Variants in RASAL2 observed in about 807,000 individuals in gnomAD.
The protein encoded by RASAL2 is RAS protein activator like 2, also known as ras GTPase-activating protein nGAP.
RASAL2 carries 58 observed loss-of-function variants against 128.9 expected under a neutral mutation model. The observed-to-expected ratio is 0.45, with a 90% CI of 0.36 to 0.56. The LOEUF (loss-of-function observed/expected upper bound fraction) is 0.56. Ranked by LOEUF, RASAL2 falls within the 20% of genes least tolerant of loss-of-function variation. The probability of loss-of-function intolerance (pLI) is 0.00; values close to 1 mark genes in which losing one functional copy is unlikely to be tolerated. For synonymous variants in RASAL2, 561 were observed against 580.8 expected (o/e 0.97, Z 0.49); for missense variants, 1,360 against 1,601.6 (o/e 0.85, Z 2.57).
At chr1:178,182,714 T>C (rs1662157874) in intron 1 of RASAL2, among the ~76,000 whole-genome samples, 1 of 152,136 alleles carries the variant, frequency 6.6e-6, no homozygotes, top group African/African-American at 2.4e-5. Flanking sequence ...TTCCAATACA[T>C]GTATACAGTT....
chr1:178,303,369 T>TC (rs1667854425), intron 3 of RASAL2, among the ~76,000 whole-genome samples: 1 of 152,038 alleles, frequency 6.6e-6, no homozygotes, highest in African/African-American at 2.4e-5. Context: ...GTCAGGAGTG[T>TC]CCAATCTTTT....
chr1:178,422,739 A>G, intron 5 of RASAL2, among the ~76,000 whole-genome samples: 1 of 152,116 alleles, frequency 6.6e-6, no homozygotes. Flanking sequence ...TTCTTTCAAA[A>G]TGTTATACAG....
intron 5 of RASAL2, among the ~76,000 whole-genome samples, chr1:178,424,441 A>G (rs1675386237): frequency 6.8e-6 from 1 of 148,048 alleles, no homozygotes; most frequent in Non-Finnish European, 1.5e-5. Flanking sequence ...TAAACCACAA[A>G]CCTTATCTTC....
At chr1:178,265,501 A>C (rs998149817) in intron 1 of RASAL2, among the ~76,000 whole-genome samples, 11 of 152,354 alleles carry the variant, frequency 7.2e-5, no homozygotes, top group South Asian at 6.2e-4. Context: ...AGTATGCATT[A>C]TCTCATTTGA....
chr1:178,337,107 C>A (rs929615488), intron 3 of RASAL2, among the ~76,000 whole-genome samples: 1 of 152,028 alleles, frequency 6.6e-6, no homozygotes, highest in African/African-American at 2.4e-5. Flanking sequence ...TCTACTAAGT[C>A]ATCTTAGTGG....
chr1:178,412,034 C>T, intron 4 of RASAL2: 1 of 390,360 alleles, frequency 2.6e-6, no homozygotes, highest in Non-Finnish European at 4.7e-6. Context: ...CCTCAAAATA[C>T]TTTCTGAAAA....
At chr1:178,312,967 A>T (rs756443924) in intron 3 of RASAL2, among the ~76,000 whole-genome samples, 1 of 152,178 alleles carries the variant, frequency 6.6e-6, no homozygotes, top group Non-Finnish European at 1.5e-5. Context: ...TGAATATTTT[A>T]TGGATAAGGA....
chr1:178,162,686 C>T (rs1661370569), intron 1 of RASAL2, among the ~76,000 whole-genome samples: 1 of 149,708 alleles, frequency 6.7e-6, no homozygotes, highest in African/African-American at 2.5e-5. Flanking sequence ...CTCCTGGGTT[C>T]AAGTGATCCT....
intron 1 of RASAL2, among the ~76,000 whole-genome samples, chr1:178,232,465 G>T (rs1419401347): frequency 6.6e-6 from 1 of 152,112 alleles, no homozygotes; most frequent in Admixed American, 6.6e-5. Flanking sequence ...ACATTCCTAT[G>T]TTCCAGTTGC....
intron 3 of RASAL2, among the ~76,000 whole-genome samples, chr1:178,327,760 T>G (rs1217626682): frequency 6.6e-6 from 1 of 152,192 alleles, no homozygotes; most frequent in African/African-American, 2.4e-5. Context: ...TGACCTTATT[T>G]AGAGAAAAGG....
At chr1:178,326,767 C>T (rs903667387) in intron 3 of RASAL2, among the ~76,000 whole-genome samples, 2 of 152,138 alleles carry the variant, frequency 1.3e-5, no homozygotes, top group Non-Finnish European at 2.9e-5. Context: ...TGGTCTCGAA[C>T]TCCCGACCTC....
At chr1:178,352,456 T>G (rs1423971426) in intron 3 of RASAL2, among the ~76,000 whole-genome samples, 2 of 152,144 alleles carry the variant, frequency 1.3e-5, no homozygotes, top group Non-Finnish European at 2.9e-5. Context: ...TCCCAAGGCC[T>G]TGGGCAATCC....
chr1:178,299,056 A>G (rs1214952400), intron 2 of RASAL2, among the ~76,000 whole-genome samples: 1 of 152,146 alleles, frequency 6.6e-6, no homozygotes, highest in East Asian at 1.9e-4. Context: ...TCCACTTGAT[A>G]TGCAAATAAC....
At chr1:178,287,607 A>C (rs571893761) in intron 2 of RASAL2, among the ~76,000 whole-genome samples, 2 of 152,162 alleles carry the variant, frequency 1.3e-5, no homozygotes, top group African/African-American at 2.4e-5. Context: ...CCCATCAATC[A>C]AGGGGTGGAT....
At chr1:178,437,326 G>A (rs1435633835) in intron 5 of RASAL2, among the ~76,000 whole-genome samples, 1 of 152,032 alleles carries the variant, frequency 6.6e-6, no homozygotes, top group Admixed American at 6.6e-5. Flanking sequence ...CAACAAAGAA[G>A]CCATCTTCTA....
At chr1:178,370,748 C>T (rs991217349) in intron 3 of RASAL2, among the ~76,000 whole-genome samples, 1 of 152,108 alleles carries the variant, frequency 6.6e-6, no homozygotes, top group Non-Finnish European at 1.5e-5. Context: ...ACTGCTCTAG[C>T]CACTAGGATT....
chr1:178,381,423 G>T (rs1460962794), intron 3 of RASAL2, among the ~76,000 whole-genome samples: 1 of 152,106 alleles, frequency 6.6e-6, no homozygotes. Context: ...GTGTGTGTTG[G>T]CTAAAGGGGG....
chr1:178,185,097 T>C (rs1343021065), intron 1 of RASAL2, among the ~76,000 whole-genome samples: 1 of 151,848 alleles, frequency 6.6e-6, no homozygotes, highest in Non-Finnish European at 1.5e-5. Context: ...CCATCATAAA[T>C]GGTTTTAGTT....
At chr1:178,352,267 A>C (rs1670554561) in intron 3 of RASAL2, among the ~76,000 whole-genome samples, 1 of 152,242 alleles carries the variant, frequency 6.6e-6, no homozygotes, top group Non-Finnish European at 1.5e-5. Context: ...CAGTGTGAAA[A>C]TAATAATAAA....
Sources: gnomAD v4.1 joint callset for allele counts (sites outside exome capture counted in the v4.1 genomes callset) on GRCh38, gnomAD v4.1.1 for gene constraint, MANE v1.5 for transcripts, NCBI Gene and HGNC (gene_info 2026-07-23, HGNC 2026-07-21) for gene names.